The following GLG1 variants were observed in gnomAD, a reference collection of about 807,000 sequenced individuals.
The protein encoded by GLG1 is golgi glycoprotein 1.
GLG1 carries 38 observed loss-of-function variants against 160.5 expected under a neutral mutation model. The ratio of observed to expected loss-of-function variants is 0.24; its 90% CI spans 0.18 to 0.31. GLG1 has a LOEUF of 0.31. GLG1 is among the 10% of genes least tolerant of loss of function. GLG1 has a pLI of 1.00. For synonymous variants in GLG1, 644 were observed against 543.4 expected (o/e 1.19, Z -2.57); for missense variants, 1,373 against 1,505.2 (o/e 0.91, Z 1.45).
At chr16:74,498,464 ATATTATATTT>A (rs1476221335) in intron 4 of GLG1, among the ~76,000 whole-genome samples, 1,084 of 107,006 alleles carry the variant, frequency 0.01, 72 homozygotes, top group African/African-American at 0.037. Context: ...ATATATATAT[ATATTATATTT>A]TATATATATA....
intron 1 of GLG1, among the ~76,000 whole-genome samples, chr16:74,570,072 C>T (rs2018784742): frequency 6.6e-6 from 1 of 151,016 alleles, no homozygotes; most frequent in South Asian, 2.1e-4. Flanking sequence ...TTTTTGATGG[C>T]TCATAATTTT....
At chr16:74,528,117 C>T (rs886401245) in intron 2 of GLG1, among the ~76,000 whole-genome samples, 1 of 151,898 alleles carries the variant, frequency 6.6e-6, no homozygotes, top group African/African-American at 2.4e-5. Context: ...GATCTCCTGA[C>T]CTAGTGATCT....
Position 74,462,152 on chromosome 16 carries a change from T to C in GLG1, c.2978A>G (p.Gln993Arg). The change falls in exon 22 of 26, where the codon CAG (glutamine) becomes CGG (arginine). Residue 993 changes from glutamine (Q) to arginine (R), a missense_variant. Gln to Arg is a conservative substitution (Grantham distance 43, BLOSUM62 1). Coordinates refer to ENST00000422840, the MANE Select transcript of GLG1 (RefSeq NM_001145667.2). ...DCEDQIRIII[Q>R]ESALDYRLDP... ...CAGGCGGTAGTCCAGGGCGGACTCC[T>C]GGATAATGATTCGGATCTGGTCTTC... 6.2e-7 allele frequency: 1 copy of C among 1,609,698 alleles called. No homozygotes were observed. The highest frequency in any genetic ancestry group is 8.5e-7 in the Non-Finnish European group (1 of 1,176,114).
chr16:74,504,543 T>C (rs2016527575), intron 3 of GLG1, among the ~76,000 whole-genome samples: 1 of 152,170 alleles, frequency 6.6e-6, no homozygotes, highest in African/African-American at 2.4e-5. Flanking sequence ...CCACCTTGGC[T>C]TCCCAAAGTG....
Position 74,480,225 on chromosome 16 carries a change from G to T in GLG1, c.1827+16C>A. On this transcript the variant is annotated intron_variant, in intron 11 of 25. Coordinates refer to ENST00000422840, the MANE Select transcript of GLG1 (RefSeq NM_001145667.2). ...AATGACAAGAAGAAGAAATGAAGTC[G>T]ATATTCACTGCATACCCTCCTTCCC... 1 of 1,576,774 alleles carries T rather than the reference G, an allele frequency of 6.3e-7. No individual in the cohort carries two copies. Among genetic ancestry groups the T allele is most frequent in the Non-Finnish European group, 8.7e-7 (1 of 1,147,088 alleles).
At chr16:74,457,232 T>C (rs892564599) in intron 24 of GLG1, among the ~76,000 whole-genome samples, 8 of 152,146 alleles carry the variant, frequency 5.3e-5, no homozygotes, top group Non-Finnish European at 1.0e-4. Flanking sequence ...CTGTCTGTAC[T>C]TAAAAAATAC....
At chr16:74,592,403 C>T (rs1231722939) in intron 1 of GLG1, among the ~76,000 whole-genome samples, 1 of 152,104 alleles carries the variant, frequency 6.6e-6, no homozygotes. Context: ...CTTGGCCTCC[C>T]CAAGTGCTGA....
chr16:74,480,577 C>T (rs1292277020), intron 10 of GLG1, among the ~76,000 whole-genome samples, 183 bp from the exon 11 acceptor site: 1 of 149,900 alleles, frequency 6.7e-6, no homozygotes, highest in Non-Finnish European at 1.5e-5. Context: ...TTTTTTGACA[C>T]AGGATCTCTC....
intron 1 of GLG1, among the ~76,000 whole-genome samples, chr16:74,547,693 T>C (rs1210465978): frequency 2.0e-5 from 3 of 152,250 alleles, no homozygotes. Flanking sequence ...TTTTTCAACC[T>C]TTCTCCCATA....
chr16:74,469,250 A>G, intron 16 of GLG1, 187 bp from the exon 17 acceptor site: 6 of 596,160 alleles, frequency 1.0e-5, no homozygotes, highest in Middle Eastern at 4.5e-4. Flanking sequence ...GTGTCATGAA[A>G]GGCAGGCAGC....
intron 1 of GLG1, among the ~76,000 whole-genome samples, chr16:74,547,322 T>C (rs1307653648): frequency 2.6e-5 from 4 of 151,454 alleles, no homozygotes; most frequent in Admixed American, 2.6e-4. Context: ...GAAGAGTAGA[T>C]CCTTTTTCCA....
intron 1 of GLG1, among the ~76,000 whole-genome samples, chr16:74,580,455 C>A (rs932813869): frequency 6.6e-6 from 1 of 152,088 alleles, no homozygotes; most frequent in Non-Finnish European, 1.5e-5. Context: ...GCCATATTCA[C>A]GCCATTACAC....
At position 74,586,437 on chromosome 16, in the gene GLG1, A is replaced by G. The variant is rs564755731; in HGVS notation, c.438+20220T>C. Among the ~76,000 whole-genome samples, 6 of 152,272 alleles carry G rather than the reference A, an allele frequency of 3.9e-5. No homozygotes were observed. The East Asian group carries it at 1.2e-3, about 29-fold the overall frequency. ...GTTGACCACCTTGACACACAATGAAATTATATCATGCTTAAATATTTTTCC... is the reference window on the plus strand; with the variant it reads ...GTTGACCACCTTGACACACAATGAAGTTATATCATGCTTAAATATTTTTCC... On this transcript the variant is annotated intron_variant, in intron 1 of 25. Transcript: ENST00000422840.
rs762868851 is a variant in GLG1 at position 74,503,627 on chromosome 16, G to A, written c.678C>T (p.Ile226=). The change falls in exon 4 of 26, where the codon ATC becomes ATT. Residue 226 remains isoleucine (I), a synonymous_variant. Coordinates refer to ENST00000422840, the MANE Select transcript of GLG1 (RefSeq NM_001145667.2). ...CHQYITKMTA[I]IFSDYRLICG... Reference sequence around the variant, plus strand: ...AGATTAAACGGTAATCACTAAAAATGATGGCCGTCATCTTGGTAATGTACT... The same window carrying A: ...AGATTAAACGGTAATCACTAAAAATAATGGCCGTCATCTTGGTAATGTACT... 31 of 1,613,118 alleles carry A rather than the reference G, an allele frequency of 1.9e-5. No individual in the cohort carries two copies. Among genetic ancestry groups the A allele is most frequent in the Non-Finnish European group, 8.5e-7 (1 of 1,179,192 alleles).
intron 1 of GLG1, among the ~76,000 whole-genome samples, chr16:74,590,170 T>C (rs1284951251): frequency 6.6e-6 from 1 of 152,006 alleles, no homozygotes; most frequent in African/African-American, 2.4e-5. Context: ...CCTAAGTTTT[T>C]TGTATTTTTT....
intron 20 of GLG1, chr16:74,462,899 A>C (rs1567457854): frequency 2.1e-6 from 1 of 481,270 alleles, no homozygotes. Context: ...TCCTCAGAAA[A>C]ATCAAGGGGA....
chr16:74,601,506 T>C (rs1398626395), intron 1 of GLG1, among the ~76,000 whole-genome samples: 1 of 152,094 alleles, frequency 6.6e-6, no homozygotes, highest in Non-Finnish European at 1.5e-5. Flanking sequence ...CATTTGTTAG[T>C]TAATGGCACT....
At chr16:74,499,084 T>A (rs1460746454) in intron 4 of GLG1, among the ~76,000 whole-genome samples, 1 of 152,142 alleles carries the variant, frequency 6.6e-6, no homozygotes, top group African/African-American at 2.4e-5. Flanking sequence ...ACTGCGGACA[T>A]GAATGAACAG....
intron 1 of GLG1, among the ~76,000 whole-genome samples, chr16:74,542,341 A>T (rs965927489): frequency 6.6e-6 from 1 of 151,888 alleles, no homozygotes; most frequent in African/African-American, 2.4e-5. Flanking sequence ...AAATTTGTCA[A>T]ATCAGTAGCT....
Sources: allele counts gnomAD v4.1 joint callset (sites outside exome capture counted in the v4.1 genomes callset), GRCh38; gene constraint gnomAD v4.1.1; transcripts MANE v1.5; gene names NCBI Gene and HGNC (gene_info 2026-07-23, HGNC 2026-07-21).